The following AGAP1 variants were observed in gnomAD, a reference collection of about 807,000 sequenced individuals.
The protein encoded by AGAP1 is arf-GAP with GTPase, ANK repeat and PH domain-containing protein 1.
AGAP1 carries 29 observed loss-of-function variants against 105.3 expected under a neutral mutation model. The ratio of observed to expected loss-of-function variants is 0.28; its 90% CI spans 0.21 to 0.38. The LOEUF is 0.38. Ranked by LOEUF, AGAP1 falls within the 10% of genes least tolerant of loss-of-function variation. AGAP1 has a pLI of 1.00. For synonymous variants in AGAP1, 509 were observed against 485.9 expected, an observed-to-expected ratio of 1.05 and a Z score of -0.63; for missense variants, 998 against 1,165.1, an observed-to-expected ratio of 0.86 and a Z score of 2.09.
intron 1 of AGAP1, among the ~76,000 whole-genome samples, chr2:235,530,074 C>T (rs1942989238): frequency 6.6e-6 from 1 of 152,152 alleles, no homozygotes; most frequent in South Asian, 2.1e-4. Flanking sequence ...CACCATCCAT[C>T]CCCTGCTGTC....
intron 3 of AGAP1, among the ~76,000 whole-genome samples, chr2:235,730,476 TTAAAAAA>T (rs1216525359): frequency 1.2e-5 from 1 of 81,302 alleles, no homozygotes; most frequent in African/African-American, 4.4e-5. Flanking sequence ...TGTTTACCTT[TTAAAAAA>T]AAAAAAAAAA....
chr2:235,703,446 C>G (rs570534236), intron 1 of AGAP1, among the ~76,000 whole-genome samples: 39 of 151,466 alleles, frequency 2.6e-4, no homozygotes, highest in Admixed American at 2.6e-3. Flanking sequence ...GGAGAGCTTC[C>G]TCTGTGGGTA....
chr2:235,797,686 T>C, intron 6 of AGAP1, 73 bp from the exon 7 acceptor site: 1 of 1,570,930 alleles, frequency 6.4e-7, no homozygotes, highest in South Asian at 1.1e-5. Context: ...GACAACAGAC[T>C]GATGATCTCT....
rs1405002037 is a variant in AGAP1 at position 235,934,391 on chromosome 2, C to T, written c.1483+3468C>T. ...GCCTGCTGGACGCATCCTTGTCTGT[C>T]TGCGCCGAGGGTACCATCCCGGCGT... On this transcript the variant is annotated intron_variant, in intron 12 of 17. Coordinates refer to ENST00000304032, the MANE Select transcript of AGAP1 (RefSeq NM_001037131.3). The surrounding 1 kb of genome is among the most constrained non-coding windows in gnomAD (Gnocchi z 4.9). Among the ~76,000 whole-genome samples the T allele has an allele frequency of 6.6e-6, 1 of 152,192 alleles. No individual in the cohort carries two copies. Among genetic ancestry groups the T allele is most frequent in the East Asian group, 1.9e-4 (1 of 5,178 alleles).
At chr2:235,861,322 G>T (rs2048919782) in intron 9 of AGAP1, among the ~76,000 whole-genome samples, 1 of 152,178 alleles carries the variant, frequency 6.6e-6, no homozygotes, top group Non-Finnish European at 1.5e-5. Flanking sequence ...GGTGTGGTCT[G>T]TTCTATGTGG....
rs536191498 is a variant in AGAP1 at position 235,992,076 on chromosome 2, G to A, written c.1645+23453G>A. Among the ~76,000 whole-genome samples, 9 of 152,346 alleles carry A rather than the reference G, an allele frequency of 5.9e-5. No individual in the cohort carries two copies. Among genetic ancestry groups the A allele is most frequent in the East Asian group, 1.9e-4 (1 of 5,172 alleles). On this transcript the variant is annotated intron_variant, in intron 13 of 17. Transcript: ENST00000304032. This position sits in a 1 kb window ranked among gnomAD's most constrained non-coding sequence, Gnocchi z 4.8. ...CTGTCCACAGGACATGGCCGTAGCC[G>A]TGTGTGGAGAAGGGTTGTGATGGTG...
At chr2:235,738,121 G>A (rs1052089353) in intron 3 of AGAP1, among the ~76,000 whole-genome samples, 3 of 152,146 alleles carry the variant, frequency 2.0e-5, no homozygotes, top group Non-Finnish European at 2.9e-5. Flanking sequence ...GACTGAGGCC[G>A]GGAGTGGGCA....
intron 9 of AGAP1, among the ~76,000 whole-genome samples, chr2:235,825,262 G>A (rs537320366): frequency 6.6e-6 from 1 of 152,352 alleles, no homozygotes; most frequent in East Asian, 1.9e-4. Context: ...TGCTGCTAAT[G>A]TGAAAGATGC....
In AGAP1 at chr2:235,787,085, G is replaced by A. The variant is rs1394466619; in HGVS notation, c.674-10674G>A. The stretch of plus-strand genomic sequence containing the variant: ...CAGTGCTCAGAGTCGAGCTGGCCTG[G>A]GGCCGTGGCCCCACAGGCTTGTGAT... On this transcript the variant is annotated intron_variant, in intron 6 of 17. Coordinates refer to ENST00000304032, the MANE Select transcript of AGAP1 (RefSeq NM_001037131.3). This position sits in a 1 kb window ranked among gnomAD's most constrained non-coding sequence, Gnocchi z 4.4. Among the ~76,000 whole-genome samples the A allele has an allele frequency of 1.3e-5, 2 of 152,220 alleles. No homozygotes were observed. Among genetic ancestry groups the A allele is most frequent in the African/African-American group, 4.8e-5 (2 of 41,464 alleles).
At chr2:235,495,064 A>G (rs1477625820) in intron 1 of AGAP1, among the ~76,000 whole-genome samples, 1 of 152,128 alleles carries the variant, frequency 6.6e-6, no homozygotes, top group Non-Finnish European at 1.5e-5. Flanking sequence ...ATAGATCGTC[A>G]GCGTTAATTT....
chr2:235,930,948 AC>A lies in AGAP1; in HGVS notation c.1483+28del. The A allele has an allele frequency of 6.2e-7, 1 of 1,608,202 alleles. No individual in the cohort carries two copies. The highest frequency in any genetic ancestry group is 8.5e-7 in the Non-Finnish European group (1 of 1,176,994). On this transcript the variant is annotated intron_variant, in intron 12 of 17. Transcript: ENST00000304032. The surrounding 1 kb of genome is among the most constrained non-coding windows in gnomAD (Gnocchi z 7.9). ...GGTAAGAGGGGGCTCAGCCCCACGG[AC>A]CCGCAGCCACCTCAAGGTCCTTCGT...
At chr2:235,496,033 A>G (rs1941306101) in intron 1 of AGAP1, among the ~76,000 whole-genome samples, 1 of 152,228 alleles carries the variant, frequency 6.6e-6, no homozygotes, top group Non-Finnish European at 1.5e-5. Flanking sequence ...GTATCAGCCC[A>G]CAGAGAGGCT....
chr2:235,687,322 G>T lies in AGAP1; in HGVS notation c.164-21857G>T, dbSNP rs575902416. Among the ~76,000 whole-genome samples the T allele has an allele frequency of 7.9e-5, 12 of 152,278 alleles. No individual in the cohort carries two copies. In the South Asian group the frequency reaches 1.5e-3, roughly 18 times the overall value. On this transcript the variant is annotated intron_variant, in intron 1 of 17. Coordinates refer to ENST00000304032, the MANE Select transcript of AGAP1 (RefSeq NM_001037131.3). ...TATTGATCCTTTGGAAGGAGATTAAGTTCTCCGGTTCCATCAGGTGTAATG... is the reference window on the plus strand; with the variant it reads ...TATTGATCCTTTGGAAGGAGATTAATTTCTCCGGTTCCATCAGGTGTAATG...
In AGAP1 at chr2:235,874,363, T is replaced by G. The variant is rs533128929; in HGVS notation, c.1051-8982T>G. Among the ~76,000 whole-genome samples, 2 of 152,334 alleles carry G rather than the reference T, an allele frequency of 1.3e-5. No individual in the cohort carries two copies. The highest frequency in any genetic ancestry group is 3.9e-4 in the East Asian group (2 of 5,184). ...TGTGCCCGGCCCAGAACCACATTCTTGAGCTGAGCTCCCGAGGGTACCTGG... is the reference window on the plus strand; with the variant it reads ...TGTGCCCGGCCCAGAACCACATTCTGGAGCTGAGCTCCCGAGGGTACCTGG... On this transcript the variant is annotated intron_variant, in intron 9 of 17. Transcript: ENST00000304032. The surrounding 1 kb of genome is among the most constrained non-coding windows in gnomAD (Gnocchi z 4.5).
At chr2:235,594,619 G>T (rs984535589) in intron 1 of AGAP1, among the ~76,000 whole-genome samples, 2 of 152,130 alleles carry the variant, frequency 1.3e-5, no homozygotes, top group Non-Finnish European at 2.9e-5. Flanking sequence ...CTGTTACCCA[G>T]GCTGGTGTGC....
chr2:235,648,983 C>T (rs1233804940), intron 1 of AGAP1, among the ~76,000 whole-genome samples: 2 of 152,112 alleles, frequency 1.3e-5, no homozygotes, highest in Middle Eastern at 3.2e-3. Context: ...CATGGTAGCT[C>T]CTCCTAATTG....
rs2059083024 is a variant in AGAP1, at chr2:236,092,343, C to G, written c.2115-27849C>G. Among the ~76,000 whole-genome samples the G allele has an allele frequency of 6.6e-6, 1 of 152,068 alleles. No homozygotes were observed. Among genetic ancestry groups the G allele is most frequent in the African/African-American group, 2.4e-5 (1 of 41,398 alleles). On this transcript the variant is annotated intron_variant, in intron 16 of 17. Transcript: ENST00000304032. This position sits in a 1 kb window ranked among gnomAD's most constrained non-coding sequence, Gnocchi z 4.7. Reference sequence around the variant, plus strand: ...TCAAGATACTGCCTTTGAGGGGAAACCAGGTAAGGGGTACATGAGATCTCT... The same window carrying G: ...TCAAGATACTGCCTTTGAGGGGAAAGCAGGTAAGGGGTACATGAGATCTCT...
chr2:235,971,298 T>A lies in AGAP1; in HGVS notation c.1645+2675T>A, dbSNP rs190379044. 2.8e-3 allele frequency among the ~76,000 whole-genome samples: 419 copies of A among 152,338 alleles called. 1 individual carries two copies. The highest frequency in any genetic ancestry group is 4.4e-3 in the Non-Finnish European group (298 of 68,034). ...CACATTTTCCCCCCAAATTGTAACA[T>A]ATCTGAAGTCAGAACATATCATTGT... On this transcript the variant is annotated intron_variant, in intron 13 of 17. Transcript: ENST00000304032. The surrounding 1 kb of genome is among the most constrained non-coding windows in gnomAD (Gnocchi z 4.8).
chr2:235,521,418 GAC>G, intron 1 of AGAP1, among the ~76,000 whole-genome samples: 1 of 146,926 alleles, frequency 6.8e-6, no homozygotes. Context: ...TAAATTCAAA[GAC>G]TCTCTCTTTG....
Sources: gnomAD v4.1 joint callset for allele counts (sites outside exome capture counted in the v4.1 genomes callset) on GRCh38, gnomAD v4.1.1 for gene constraint, Gnocchi (gnomAD v3.1) non-coding constraint, MANE v1.5 for transcripts, NCBI Gene and HGNC (gene_info 2026-07-23, HGNC 2026-07-21) for gene names.